The following TRIM69 variants were observed in gnomAD, a reference collection of about 807,000 sequenced individuals.
The protein encoded by TRIM69 is E3 ubiquitin-protein ligase TRIM69.
Under a neutral mutation model 37.7 loss-of-function variants are expected in TRIM69, and 29 were observed. The ratio of observed to expected loss-of-function variants is 0.77; its 90% CI spans 0.57 to 1.05. The LOEUF is 1.05. TRIM69 is among the 50% of genes least tolerant of loss of function. The pLI is 0.00. For synonymous variants in TRIM69, 209 were observed against 212.4 expected (o/e 0.98, Z 0.14); for missense variants, 596 against 579.9 (o/e 1.03, Z -0.28).
intron 6 of TRIM69, among the ~76,000 whole-genome samples, chr15:44,762,114 C>T (rs995280023): frequency 7.2e-5 from 11 of 152,088 alleles, no homozygotes; most frequent in East Asian, 1.9e-4. Context: ...TACAGGTGCC[C>T]GCCACCACGC....
chr15:44,759,638 A>G lies in TRIM69; in HGVS notation c.814-2A>G, dbSNP rs370162184. 6 of 1,613,872 alleles carry G rather than the reference A, an allele frequency of 3.7e-6. No individual in the cohort carries two copies. The South Asian group carries it at 4.4e-5, about 12-fold the overall frequency. Reference sequence around the variant, plus strand: ...GATGTCTCTCTTTCTCCTTTCTTCTAGGACATCACAACTCTCTTACATAGG... The same window carrying G: ...GATGTCTCTCTTTCTCCTTTCTTCTGGGACATCACAACTCTCTTACATAGG... On this transcript the variant is annotated splice_acceptor_variant, in intron 4 of 6. Transcript: ENST00000329464. LOFTEE classifies it high-confidence loss of function.
chr15:44,767,473 A>G lies in TRIM69; in HGVS notation c.1204A>G (p.Lys402Glu), dbSNP rs1364228295. The G allele has an allele frequency of 6.2e-7, 1 of 1,614,084 alleles. No individual in the cohort carries two copies. Among genetic ancestry groups the G allele is most frequent in the Non-Finnish European group, 8.5e-7 (1 of 1,180,030 alleles). The change falls in exon 7 of 7, where the codon AAG becomes GAG. Residue 402 changes from lysine (K) to glutamate (E), a missense_variant. Transcript: ENST00000329464. ...AGTTGTCAGAGAATCCATCATTCGG[A>G]AGGGCAGCTGTCCTCTAACTCCTGA... Reference protein sequence around the residue: ...VGVVRESIIRKGSCPLTPEQG... With the variant: ...VGVVRESIIREGSCPLTPEQG...
Position 44,740,432 on chromosome 15 carries a change from C to T in TRIM69, c.6+3722C>T, listed in dbSNP as rs983247701. Among the ~76,000 whole-genome samples, 50 of 152,226 alleles carry T rather than the reference C, an allele frequency of 3.3e-4. 1 individual carries two copies. Among genetic ancestry groups the T allele is most frequent in the South Asian group, 1.2e-3 (6 of 4,810 alleles). On this transcript the variant is annotated intron_variant, in intron 1 of 6. Coordinates refer to ENST00000329464, the MANE Select transcript of TRIM69 (RefSeq NM_182985.5). ...AAGGCTTCAGATGATCCAACTACTC[C>T]GAGCTACAGGAGGAAATTCAAACCA...
chr15:44,751,577 T>A (rs1202056827), intron 1 of TRIM69, among the ~76,000 whole-genome samples: 1 of 152,192 alleles, frequency 6.6e-6, no homozygotes, highest in Non-Finnish European at 1.5e-5. Context: ...TATTCTTTAC[T>A]CTTTCCTTCT....
chr15:44,762,751 T>C (rs1452980826), intron 6 of TRIM69, among the ~76,000 whole-genome samples: 1 of 152,156 alleles, frequency 6.6e-6, no homozygotes, highest in African/African-American at 2.4e-5. Flanking sequence ...TGCCTTCCTC[T>C]ACATTCTTGA....
intron 1 of TRIM69, among the ~76,000 whole-genome samples, chr15:44,739,081 C>T (rs1412869421): frequency 6.6e-6 from 1 of 152,138 alleles, no homozygotes; most frequent in African/African-American, 2.4e-5. Context: ...TGATTTATAG[C>T]ATATTCACAA....
chr15:44,740,151 T>C (rs974500060), intron 1 of TRIM69, among the ~76,000 whole-genome samples: 11 of 152,276 alleles, frequency 7.2e-5, no homozygotes, highest in Non-Finnish European at 1.3e-4. Context: ...CAAACTCCAA[T>C]AGACCTGCAG....
In TRIM69 at chr15:44,736,557, C is replaced by A; in HGVS notation, c.-148C>A. On this transcript the variant is annotated 5_prime_UTR_variant, in exon 1 of 7. Coordinates refer to ENST00000329464, the MANE Select transcript of TRIM69 (RefSeq NM_182985.5). ...CTCACTCTGGCCTTGCTGCTTCTCT[C>A]CAGCTCCTGAACTTTTCTTTCTTCC... 2 of 820,734 alleles carry A rather than the reference C, an allele frequency of 2.4e-6. No individual in the cohort carries two copies. The highest frequency in any genetic ancestry group is 3.6e-6 in the Non-Finnish European group (2 of 548,576). 50.8% of individuals were successfully genotyped at this position (820,734 alleles called of 1,614,324 possible). A position where few individuals can be genotyped will look rare whatever the true frequency, so the allele number is the denominator to read the frequency against.
At position 44,759,074 on chromosome 15, in the gene TRIM69, T is replaced by C. The variant is rs569505624; in HGVS notation, c.813+220T>C. On this transcript the variant is annotated intron_variant, in intron 4 of 6. Transcript: ENST00000329464. The stretch of plus-strand genomic sequence containing the variant: ...ACTTTCATCCTCTTAGGAAATACGA[T>C]TTTTAAATTCCATTAATAATAGTAT... Among the ~76,000 whole-genome samples, 7 of 152,358 alleles carry C rather than the reference T, an allele frequency of 4.6e-5. No homozygotes were observed. The East Asian group carries it at 7.7e-4, about 17-fold the overall frequency.
Position 44,744,072 on chromosome 15 carries a change from A to T in TRIM69, c.6+7362A>T, listed in dbSNP as rs553305158. Among the ~76,000 whole-genome samples the T allele has an allele frequency of 3.9e-5, 6 of 152,116 alleles. No individual in the cohort carries two copies. In the East Asian group the frequency reaches 1.2e-3, roughly 29 times the overall value. On this transcript the variant is annotated intron_variant, in intron 1 of 6. Transcript: ENST00000329464. ...GAACCAACCCAAATGTCCAACAATGATAGACTGGATTACGAAAATGTGGCA... is the reference window on the plus strand; with the variant it reads ...GAACCAACCCAAATGTCCAACAATGTTAGACTGGATTACGAAAATGTGGCA...
At chr15:44,740,946 C>A (rs1342365583) in intron 1 of TRIM69, among the ~76,000 whole-genome samples, 2 of 151,698 alleles carry the variant, frequency 1.3e-5, no homozygotes, top group African/African-American at 2.4e-5. Flanking sequence ...GAATTGAACT[C>A]AGCTCTGCAC....
At chr15:44,742,027 T>C (rs967080845) in intron 1 of TRIM69, among the ~76,000 whole-genome samples, 1 of 152,140 alleles carries the variant, frequency 6.6e-6, no homozygotes, top group Non-Finnish European at 1.5e-5. Context: ...GAGAGAATTT[T>C]AGACCAATAT....
intron 1 of TRIM69, 129 bp from the exon 2 acceptor site, chr15:44,754,771 A>C: frequency 1.4e-6 from 1 of 707,056 alleles, no homozygotes; most frequent in Non-Finnish European, 2.5e-6. Flanking sequence ...TTCACTTTCA[A>C]AGGAGAGATT....
At chr15:44,753,367 C>T (rs920350644) in intron 1 of TRIM69, 3 of 152,168 alleles carry the variant, frequency 2.0e-5, no homozygotes, top group Non-Finnish European at 4.4e-5. Context: ...ATCTGCCCAC[C>T]TTGGCCTCCC....
intron 6 of TRIM69, among the ~76,000 whole-genome samples, chr15:44,763,775 G>T (rs1432072824): frequency 6.6e-6 from 1 of 152,200 alleles, no homozygotes; most frequent in African/African-American, 2.4e-5. Context: ...AACATGGTAT[G>T]ACATCATTTT....
At chr15:44,744,959 GAGAA>G (rs979143155) in intron 1 of TRIM69, among the ~76,000 whole-genome samples, 2 of 150,110 alleles carry the variant, frequency 1.3e-5, no homozygotes, top group African/African-American at 4.9e-5. Context: ...CCAAAAAGCT[GAGAA>G]AGAAAGGCTG....
At chr15:44,759,187 C>A (rs2087720451) in intron 4 of TRIM69, among the ~76,000 whole-genome samples, 1 of 152,188 alleles carries the variant, frequency 6.6e-6, no homozygotes, top group Non-Finnish European at 1.5e-5. Flanking sequence ...GTATCTTTGG[C>A]TCTCAGCAAT....
intron 2 of TRIM69, 53 bp from the exon 3 acceptor site, chr15:44,756,315 A>G: frequency 1.5e-6 from 2 of 1,295,408 alleles, no homozygotes; most frequent in Non-Finnish European, 2.2e-6. Context: ...GATGTCCTTT[A>G]TGGTCCTTCA....
intron 6 of TRIM69, among the ~76,000 whole-genome samples, chr15:44,765,447 CAAGATT>C (rs2087864740): frequency 2.6e-5 from 4 of 152,132 alleles, no homozygotes; most frequent in Non-Finnish European, 5.9e-5. Context: ...TGGAAAAATT[CAAGATT>C]CTTAATTCTT....
Sources: allele counts gnomAD v4.1 joint callset (sites outside exome capture counted in the v4.1 genomes callset), GRCh38; gene constraint gnomAD v4.1.1; transcripts MANE v1.5; gene names NCBI Gene and HGNC (gene_info 2026-07-23, HGNC 2026-07-21).